Variants in KCND2 observed in about 807,000 individuals in gnomAD.
The protein encoded by KCND2 is A-type voltage-gated potassium channel KCND2.
Under a neutral mutation model 54.4 loss-of-function variants are expected in KCND2, and 16 were observed. That is an observed-to-expected ratio of 0.29 (90% CI 0.20 to 0.45). The LOEUF (loss-of-function observed/expected upper bound fraction) is 0.45. KCND2 is among the 20% of genes least tolerant of loss of function. The pLI is 1.00. For missense variants in KCND2, 486 were observed against 824.2 expected (o/e 0.59, Z 5.02); for synonymous variants, 317 against 310.7 (o/e 1.02, Z -0.21).
chr7:120,634,117 T>TA, intron 1 of KCND2, among the ~76,000 whole-genome samples: 1 of 152,248 alleles, frequency 6.6e-6, no homozygotes, highest in East Asian at 1.9e-4. Context: ...ATCAAATCAA[T>TA]AAAGTATAAA....
intron 1 of KCND2, among the ~76,000 whole-genome samples, chr7:120,409,042 C>G (rs1801408477): frequency 6.6e-6 from 1 of 151,922 alleles, no homozygotes; most frequent in Admixed American, 6.6e-5. Flanking sequence ...ACATGCTGCT[C>G]TTTCTATGTA....
chr7:120,626,057 A>T (rs183806088), intron 1 of KCND2, among the ~76,000 whole-genome samples: 4,312 of 152,162 alleles, frequency 0.028, 167 homozygotes, highest in African/African-American at 0.09. Flanking sequence ...ATTTATACTT[A>T]TTACAGTTTT....
intron 1 of KCND2, among the ~76,000 whole-genome samples, chr7:120,290,273 A>G (rs1222665753): frequency 1.3e-5 from 2 of 152,066 alleles, no homozygotes; most frequent in Admixed American, 6.6e-5. Flanking sequence ...ATCCTCTGAC[A>G]TACAACTACC....
chr7:120,438,863 TATAAATC>T (rs1801908758), intron 1 of KCND2, among the ~76,000 whole-genome samples: 1 of 152,170 alleles, frequency 6.6e-6, no homozygotes, highest in Non-Finnish European at 1.5e-5. Context: ...TTATTTAAGT[TATAAATC>T]ATGTTATATT....
chr7:120,734,574 G>A (rs887611013), intron 2 of KCND2, among the ~76,000 whole-genome samples: 1 of 152,058 alleles, frequency 6.6e-6, no homozygotes, highest in African/African-American at 2.4e-5. Flanking sequence ...GTAAATGTTA[G>A]CATACTTCCC....
chr7:120,437,501 C>T (rs1226563184), intron 1 of KCND2, among the ~76,000 whole-genome samples: 1 of 151,876 alleles, frequency 6.6e-6, no homozygotes, highest in East Asian at 1.9e-4. Context: ...TGTGCCCAGC[C>T]CCAATATAGA....
At chr7:120,296,203 A>G (rs1326116832) in intron 1 of KCND2, among the ~76,000 whole-genome samples, 3 of 152,062 alleles carry the variant, frequency 2.0e-5, no homozygotes, top group African/African-American at 7.2e-5. Flanking sequence ...TGTGATATGT[A>G]AAAATTTTAA....
At position 120,726,186 on chromosome 7, in the gene KCND2, G is replaced by T. The variant is rs142249676; in HGVS notation, c.1116-6717G>T. The stretch of plus-strand genomic sequence containing the variant: ...ATAGTAATTGATCCTCCAGGCAAGA[G>T]AGGTGGAGACAAAATCAAGGCAACT... On this transcript the variant is annotated intron_variant, in intron 1 of 5. Transcript: ENST00000331113. 3.3e-5 allele frequency among the ~76,000 whole-genome samples: 5 copies of T among 152,280 alleles called. No individual in the cohort carries two copies. The East Asian group carries it at 9.6e-4, about 29-fold the overall frequency.
intron 1 of KCND2, among the ~76,000 whole-genome samples, chr7:120,678,738 G>A (rs1323589823): frequency 2.6e-5 from 3 of 115,768 alleles, no homozygotes; most frequent in South Asian, 3.0e-4. Context: ...GTGTGTGAGT[G>A]TATATATATA....
At chr7:120,650,577 G>A (rs142253654) in intron 1 of KCND2, among the ~76,000 whole-genome samples, 5,447 of 143,122 alleles carry the variant, frequency 0.038, 1,242 homozygotes, top group African/African-American at 0.13. Context: ...CCTTTAGCTC[G>A]GAGAAGTTTG....
chr7:120,566,495 A>T (rs1792299444), intron 1 of KCND2, among the ~76,000 whole-genome samples: 1 of 152,034 alleles, frequency 6.6e-6, no homozygotes, highest in South Asian at 2.1e-4. Context: ...GACACATGCC[A>T]CCACACCTAG....
chr7:120,654,454 C>T (rs993851136), intron 1 of KCND2, among the ~76,000 whole-genome samples: 3 of 152,138 alleles, frequency 2.0e-5, no homozygotes, highest in African/African-American at 4.8e-5. Context: ...GAATCTTTGA[C>T]TCAGCATTAC....
intron 1 of KCND2, among the ~76,000 whole-genome samples, chr7:120,641,881 G>A (rs1264893620): frequency 1.3e-5 from 2 of 149,762 alleles, no homozygotes; most frequent in South Asian, 4.2e-4. Context: ...GAAAAGCACA[G>A]CGCTTTCAAA....
chr7:120,351,001 C>G (rs1800391408), intron 1 of KCND2, among the ~76,000 whole-genome samples: 1 of 151,562 alleles, frequency 6.6e-6, no homozygotes, highest in Non-Finnish European at 1.5e-5. Context: ...AATATAAATG[C>G]CTTTTAATTT....
chr7:120,561,462 A>G (rs1792231288), intron 1 of KCND2, among the ~76,000 whole-genome samples: 1 of 152,114 alleles, frequency 6.6e-6, no homozygotes. Flanking sequence ...ATGAGGTATA[A>G]CTATTGTCAT....
intron 1 of KCND2, among the ~76,000 whole-genome samples, chr7:120,370,584 C>A (rs1800751781): frequency 1.3e-5 from 2 of 151,888 alleles, no homozygotes; most frequent in Admixed American, 1.3e-4. Context: ...CATATTATTG[C>A]CATTGCCAGA....
chr7:120,660,320 A>G (rs1791850674), intron 1 of KCND2, among the ~76,000 whole-genome samples: 1 of 152,214 alleles, frequency 6.6e-6, no homozygotes, highest in Non-Finnish European at 1.5e-5. Context: ...TTAATTTTCA[A>G]AAGAGAAACA....
At chr7:120,487,859 C>A (rs1455860237) in intron 1 of KCND2, among the ~76,000 whole-genome samples, 1 of 152,142 alleles carries the variant, frequency 6.6e-6, no homozygotes, top group Non-Finnish European at 1.5e-5. Context: ...AAAGATTCTA[C>A]ATAACGAGTA....
chr7:120,657,580 C>T (rs1284059614), intron 1 of KCND2, among the ~76,000 whole-genome samples: 9 of 152,170 alleles, frequency 5.9e-5, no homozygotes. Context: ...GGTAAGGTGG[C>T]TAATGCTTGT....
Sources: gnomAD v4.1 joint callset for allele counts (sites outside exome capture counted in the v4.1 genomes callset) on GRCh38, gnomAD v4.1.1 for gene constraint, MANE v1.5 for transcripts, NCBI Gene and HGNC (gene_info 2026-07-23, HGNC 2026-07-21) for gene names.